Variants in CUL1 observed in about 807,000 individuals in gnomAD.
The protein encoded by CUL1 is cullin-1.
In CUL1, 24 loss-of-function variants were observed where a neutral mutation model predicts 118.0. That is an observed-to-expected ratio of 0.20 (90% confidence interval 0.15 to 0.29). CUL1 has a LOEUF of 0.29. Ranked by LOEUF, CUL1 falls within the 10% of genes least tolerant of loss-of-function variation. The probability of loss-of-function intolerance (pLI) is 1.00; values close to 1 mark genes in which losing one functional copy is unlikely to be tolerated. For missense variants in CUL1, 361 were observed against 933.8 expected (o/e 0.39, Z 7.99); for synonymous variants, 332 against 340.4 (o/e 0.98, Z 0.27).
intron 1 of CUL1, among the ~76,000 whole-genome samples, chr7:148,727,395 T>G (rs1339250496): frequency 6.6e-6 from 1 of 152,238 alleles, no homozygotes; most frequent in African/African-American, 2.4e-5. Flanking sequence ...TGGTATTTTA[T>G]TCCTAAATCT....
chr7:148,734,555 T>G (rs1180426171), intron 2 of CUL1, among the ~76,000 whole-genome samples: 2 of 152,224 alleles, frequency 1.3e-5, no homozygotes, highest in African/African-American at 4.8e-5. Context: ...GTTTTTCTTG[T>G]GCAATAAAAT....
Position 148,760,487 on chromosome 7 carries a change from T to C in CUL1, c.780T>C (p.Tyr260=). ...TGCAGCAGAACCCAGTTACTGAATA[T>C]ATGAAAAAGGTAAGCTTAAATATAG... ...EFLQQNPVTE[Y]MKKAEARLLE... Residue 260 remains tyrosine, a synonymous_variant, in exon 7 of 22, where the codon TAT becomes TAC. Coordinates refer to ENST00000325222, the MANE Select transcript of CUL1 (RefSeq NM_003592.3). The C allele has an allele frequency of 6.2e-7, 1 of 1,607,066 alleles. No individual in the cohort carries two copies. Among genetic ancestry groups the C allele is most frequent in the East Asian group, 2.2e-5 (1 of 44,662 alleles).
chr7:148,780,983 C>A (rs1216503552), intron 9 of CUL1, among the ~76,000 whole-genome samples: 3 of 151,588 alleles, frequency 2.0e-5, no homozygotes, highest in African/African-American at 7.3e-5. Flanking sequence ...AAAATTCTCT[C>A]CCGTATATTA....
intron 3 of CUL1, among the ~76,000 whole-genome samples, chr7:148,754,784 T>G (rs1799603503): frequency 6.6e-6 from 1 of 151,892 alleles, no homozygotes; most frequent in African/African-American, 2.4e-5. Context: ...TCTTGTTCTG[T>G]CACCCAGGCT....
rs763313409 is a variant in CUL1, at chr7:148,798,748, G to A, written c.2136+71G>A. Reference sequence around the variant, plus strand: ...GGGATGGCTCGCAAGGACGGGCCGTGGGGGGTAGGCGGGGGTGACAAAGGA... The same window carrying A: ...GGGATGGCTCGCAAGGACGGGCCGTAGGGGGTAGGCGGGGGTGACAAAGGA... On this transcript the variant is annotated intron_variant, in intron 20 of 21. Coordinates refer to ENST00000325222, the MANE Select transcript of CUL1 (RefSeq NM_003592.3). The A allele has an allele frequency of 1.9e-5, 24 of 1,269,420 alleles. 1 individual carries two copies. The highest frequency in any genetic ancestry group is 2.8e-5 in the Non-Finnish European group (24 of 866,722). The allele number at this position is 1,269,420 out of a possible 1,614,324, so 78.6% of individuals were successfully genotyped here.
At chr7:148,763,892 A>G (rs1799921175) in intron 7 of CUL1, among the ~76,000 whole-genome samples, 2 of 152,252 alleles carry the variant, frequency 1.3e-5, no homozygotes, top group Non-Finnish European at 2.9e-5. Flanking sequence ...AGTTGAGAGC[A>G]GTTCAAATTC....
intron 9 of CUL1, among the ~76,000 whole-genome samples, chr7:148,781,332 A>G (rs1308445960): frequency 6.6e-6 from 1 of 151,862 alleles, no homozygotes; most frequent in Non-Finnish European, 1.5e-5. Flanking sequence ...CTGCCCGCCT[A>G]CGCCTCCCAA....
intron 2 of CUL1, among the ~76,000 whole-genome samples, chr7:148,748,326 A>G (rs1046765110): frequency 6.6e-6 from 1 of 152,200 alleles, no homozygotes; most frequent in African/African-American, 2.4e-5. Context: ...CACAGAAACA[A>G]AGGTTGAAAA....
chr7:148,701,371 A>G (rs1022540304), intron 1 of CUL1, among the ~76,000 whole-genome samples: 3 of 152,042 alleles, frequency 2.0e-5, no homozygotes, highest in Non-Finnish European at 4.4e-5. Context: ...CCCAGTATCT[A>G]GTACAGGGCC....
At chr7:148,728,165 A>C (rs1285224576) in intron 1 of CUL1, among the ~76,000 whole-genome samples, 1 of 152,122 alleles carries the variant, frequency 6.6e-6, no homozygotes, top group Non-Finnish European at 1.5e-5. Context: ...GTGGCATCAG[A>C]CTCATTCCCA....
Position 148,786,619 on chromosome 7 carries a change from A to T in CUL1, c.1347+20A>T, listed in dbSNP as rs1433522620. 4 of 1,604,192 alleles carry T rather than the reference A, an allele frequency of 2.5e-6. No homozygotes were observed. The highest frequency in any genetic ancestry group is 2.6e-6 in the Non-Finnish European group (3 of 1,171,956). The stretch of plus-strand genomic sequence containing the variant: ...CAAGTGGTAAGTGCTTCATGAGCAT[A>T]CCCATTTCCAGTAGCTGTGTATTTC... On this transcript the variant is annotated intron_variant, in intron 12 of 21. Transcript: ENST00000325222.
At chr7:148,785,523 A>ATT (rs1403951748) in intron 11 of CUL1, among the ~76,000 whole-genome samples, 13 of 132,942 alleles carry the variant, frequency 9.8e-5, no homozygotes, top group African/African-American at 1.1e-4. Context: ...CACCCGGCTA[A>ATT]TTTTTTTTTT....
intron 5 of CUL1, 73 bp from the exon 6 acceptor site, chr7:148,759,475 T>C: frequency 7.3e-7 from 1 of 1,364,592 alleles, no homozygotes; most frequent in Non-Finnish European, 1.0e-6. Context: ...TGGCTGTGAA[T>C]GTTTAAGGGA....
intron 1 of CUL1, among the ~76,000 whole-genome samples, chr7:148,724,785 G>T (rs1798508438): frequency 6.6e-6 from 1 of 152,158 alleles, no homozygotes; most frequent in Non-Finnish European, 1.5e-5. Flanking sequence ...GCGATGCCAA[G>T]GATCTCCTAT....
At chr7:148,716,993 A>G (rs997718010) in intron 1 of CUL1, among the ~76,000 whole-genome samples, 1 of 152,164 alleles carries the variant, frequency 6.6e-6, no homozygotes, top group East Asian at 1.9e-4. Flanking sequence ...TGTTCTTACC[A>G]TGGAACATTT....
intron 1 of CUL1, among the ~76,000 whole-genome samples, chr7:148,723,372 G>A (rs978608132): frequency 2.0e-5 from 3 of 152,162 alleles, no homozygotes; most frequent in East Asian, 1.9e-4. Context: ...GAGGCCCTGT[G>A]TGTCCAGCTG....
Position 148,798,662 on chromosome 7 carries a change from C to T in CUL1, c.2121C>T (p.Arg707=). The change falls in exon 20 of 22, where the codon CGC becomes CGT. Residue 707 remains arginine, a synonymous_variant. Transcript: ENST00000325222. ...CACACAAAAACATCGAGGAAGACCG[C>T]AAACTACTGATTCAGGTGACTTATC... is the stretch of plus-strand genomic sequence containing the variant. ...ETTHKNIEED[R]KLLIQAAIVR... 1 of 1,613,850 alleles carries T rather than the reference C, an allele frequency of 6.2e-7. No homozygotes were observed. The highest frequency in any genetic ancestry group is 2.2e-5 in the East Asian group (1 of 44,878).
In CUL1 at chr7:148,725,219, G is replaced by GCGCA; in HGVS notation, c.-161-4742_-161-4741insGCAC. On this transcript the variant is annotated intron_variant, in intron 1 of 21. Coordinates refer to ENST00000325222, the MANE Select transcript of CUL1 (RefSeq NM_003592.3). ...CGTGTACACACACACACACGCGCGC[G>GCGCA]CTCACACACACACACACACACACAC... is the stretch of plus-strand genomic sequence containing the variant. Among the ~76,000 whole-genome samples, 615 of 140,146 alleles carry GCGCA rather than the reference G, an allele frequency of 4.4e-3. 3 individuals carry two copies. The highest frequency in any genetic ancestry group is 0.04 in the East Asian group (186 of 4,636). 91.9% of individuals were successfully genotyped at this position (140,146 alleles called of 152,430 possible).
chr7:148,733,192 T>C (rs1717996710), intron 2 of CUL1, among the ~76,000 whole-genome samples: 1 of 152,222 alleles, frequency 6.6e-6, no homozygotes, highest in Admixed American at 6.5e-5. Context: ...GGATCACATT[T>C]CTCAGAGTAT....
Sources: allele counts gnomAD v4.1 joint callset (sites outside exome capture counted in the v4.1 genomes callset), GRCh38; gene constraint gnomAD v4.1.1; transcripts MANE v1.5; gene names NCBI Gene and HGNC (gene_info 2026-07-23, HGNC 2026-07-21).